ACVR2A: variants seen among roughly 807,000 people sequenced by gnomAD.
ACVR2A encodes activin A receptor type 2A.
ACVR2A carries 7 observed loss-of-function variants against 61.4 expected under a neutral mutation model. The observed-to-expected ratio is 0.11, with a 90% CI of 0.06 to 0.21. The LOEUF is 0.21. ACVR2A is among the 10% of genes least tolerant of loss of function. The probability of loss-of-function intolerance (pLI) is 1.00; values close to 1 mark genes in which losing one functional copy is unlikely to be tolerated. For missense variants in ACVR2A, 322 were observed against 621.7 expected, an observed-to-expected ratio of 0.52 and a Z score of 5.13; for synonymous variants, 193 against 208.3, an observed-to-expected ratio of 0.93 and a Z score of 0.63.
intron 1 of ACVR2A, among the ~76,000 whole-genome samples, chr2:147,855,507 G>C (rs898477270): frequency 1.3e-5 from 2 of 152,222 alleles, no homozygotes; most frequent in East Asian, 3.8e-4. Context: ...TACTGGAAGA[G>C]TGTAGGAGGG....
chr2:147,877,048 C>T (rs1376585451), intron 1 of ACVR2A, among the ~76,000 whole-genome samples: 10 of 152,028 alleles, frequency 6.6e-5, no homozygotes, highest in South Asian at 2.1e-4. Context: ...ACGTCTTGAT[C>T]GCAGGATTTT....
intron 9 of ACVR2A, among the ~76,000 whole-genome samples, chr2:147,925,180 G>C (rs1687473560): frequency 6.6e-6 from 1 of 151,914 alleles, no homozygotes; most frequent in Admixed American, 6.6e-5. Context: ...TTAGAGAGTT[G>C]GGTTCAATTC....
chr2:147,908,927 A>G (rs1239077263), intron 4 of ACVR2A, among the ~76,000 whole-genome samples: 1 of 152,168 alleles, frequency 6.6e-6, no homozygotes, highest in Admixed American at 6.6e-5. Flanking sequence ...ATACATATTT[A>G]TAGTATATAA....
intron 2 of ACVR2A, among the ~76,000 whole-genome samples, chr2:147,897,939 G>T (rs1686781615): frequency 6.6e-6 from 1 of 152,084 alleles, no homozygotes; most frequent in Non-Finnish European, 1.5e-5. Flanking sequence ...ATGAGTTTGG[G>T]AATCATCTTT....
rs1451114532 is a variant in ACVR2A at position 147,928,348 on chromosome 2, T to TATC, written c.*1076_*1078dup. 1 of 152,240 alleles carries TATC rather than the reference T, an allele frequency of 6.6e-6. No individual in the cohort carries two copies. The highest frequency in any genetic ancestry group is 1.9e-4 in the East Asian group (1 of 5,174). The allele number at this position is 152,240 out of a possible 1,614,324, so 9.4% of individuals were successfully genotyped here. On this transcript the variant is annotated 3_prime_UTR_variant, in exon 11 of 11. Coordinates refer to ENST00000241416, the MANE Select transcript of ACVR2A (RefSeq NM_001616.5). Reference sequence around the variant, plus strand: ...ACCAAACAGTGTGTGGGACATTCTTTATCACTGTTTTAGGATCACCTCAGG... The same window carrying TATC: ...ACCAAACAGTGTGTGGGACATTCTTTATCATCACTGTTTTAGGATCACCTCAGG...
intron 1 of ACVR2A, among the ~76,000 whole-genome samples, chr2:147,872,243 A>G (rs995228230): frequency 6.6e-6 from 1 of 152,056 alleles, no homozygotes; most frequent in Non-Finnish European, 1.5e-5. Context: ...GTAAAGCCCA[A>G]TTAAAAGTAA....
intron 1 of ACVR2A, among the ~76,000 whole-genome samples, chr2:147,867,699 G>T (rs1013652108): frequency 1.3e-5 from 2 of 152,112 alleles, no homozygotes; most frequent in African/African-American, 4.8e-5. Context: ...AAAATGTACA[G>T]ATCTGCTCCT....
At position 147,915,338 on chromosome 2, in the gene ACVR2A, T is replaced by C. The variant is rs1452375845; in HGVS notation, c.672+4T>C. On this transcript the variant is annotated splice_donor_region_variant and intron_variant, in intron 5 of 10. Coordinates refer to ENST00000241416, the MANE Select transcript of ACVR2A (RefSeq NM_001616.5). ...TGTCAAAATATTTCCAATACAGGTA[T>C]GTTTATTGCAGTTTTGTCATCTTAC... The C allele has an allele frequency of 3.1e-6, 5 of 1,610,990 alleles. No homozygotes were observed. The East Asian group carries it at 6.7e-5, about 22-fold the overall frequency.
At chr2:147,888,342 T>A (rs1047740355) in intron 1 of ACVR2A, among the ~76,000 whole-genome samples, 1 of 152,186 alleles carries the variant, frequency 6.6e-6, no homozygotes, top group South Asian at 2.1e-4. Context: ...TTGATATGAA[T>A]TGCATTACAC....
intron 4 of ACVR2A, among the ~76,000 whole-genome samples, chr2:147,903,805 C>T (rs920575975): frequency 1.3e-5 from 2 of 151,840 alleles, no homozygotes; most frequent in South Asian, 2.1e-4. Context: ...TTTATTCTCC[C>T]ACTAGATTGT....
chr2:147,902,653 C>G (rs549575705), intron 4 of ACVR2A, among the ~76,000 whole-genome samples: 1 of 151,894 alleles, frequency 6.6e-6, no homozygotes. Flanking sequence ...GGTTGATGAC[C>G]CTTTTTAGAA....
In ACVR2A at chr2:147,924,043, C is replaced by A. The variant is rs182624977; in HGVS notation, c.1216+932C>A. Among the ~76,000 whole-genome samples the A allele has an allele frequency of 8.7e-4, 132 of 152,104 alleles. 3 individuals carry two copies. The highest frequency in any genetic ancestry group is 2.9e-3 in the African/African-American group (120 of 41,530). ...AGAGTGTTCAGAAATGGGCATTCTT[C>A]CAGGATTGAGGGATTGGCTTGGGAG... On this transcript the variant is annotated intron_variant, in intron 9 of 10. Transcript: ENST00000241416.
intron 10 of ACVR2A, 84 bp from the exon 11 acceptor site, chr2:147,926,996 C>A (rs1573718528): frequency 1.5e-6 from 2 of 1,299,096 alleles, no homozygotes; most frequent in Non-Finnish European, 2.1e-6. Flanking sequence ...AGAAAAATAG[C>A]CATTTCTTCA....
rs751657945 is a variant in ACVR2A, at chr2:147,917,382, A to G, written c.772A>G (p.Ser258Gly). ...QFIGAEKRGT[S>G]VDVDLWLITA... ...CATTGGTGCAGAAAAACGAGGCACC[A>G]GTGTTGATGTGGATCTTTGGCTGAT... Residue 258 changes from serine (S) to glycine (G), a missense_variant, in exon 6 of 11, where the codon AGT becomes GGT. Ser to Gly is a moderately conservative substitution (Grantham distance 56). Around this residue, in one of 3 missense-constraint regions of ACVR2A, gnomAD observed 146 missense variants for 383.8 expected, o/e 0.38. Coordinates refer to ENST00000241416, the MANE Select transcript of ACVR2A (RefSeq NM_001616.5). The G allele has an allele frequency of 1.9e-6, 3 of 1,612,366 alleles. No homozygotes were observed. In the East Asian group the frequency reaches 6.7e-5, roughly 36 times the overall value.
chr2:147,903,016 A>T (rs1159948716), intron 4 of ACVR2A: 1 of 152,014 alleles, frequency 6.6e-6, no homozygotes. Context: ...GTTGTAAGAC[A>T]TTGTTCTCAT....
rs1687539473 is a variant in ACVR2A, at chr2:147,927,791, T to A, written c.*517T>A. 6.6e-6 allele frequency: 1 copy of A among 152,598 alleles called. No homozygotes were observed. The highest frequency in any genetic ancestry group is 2.4e-5 in the African/African-American group (1 of 41,418). The allele number at this position is 152,598 out of a possible 1,614,324, so 9.5% of individuals were successfully genotyped here. A position where few individuals can be genotyped will look rare whatever the true frequency, so the allele number is the denominator to read the frequency against. On this transcript the variant is annotated 3_prime_UTR_variant, in exon 11 of 11. Coordinates refer to ENST00000241416, the MANE Select transcript of ACVR2A (RefSeq NM_001616.5). ...ATGTTTAGTGTGCTGCTGTTCTGTG[T>A]ACATAAAGTCATCAAAGTGGGGTAC...
intron 2 of ACVR2A, 98 bp downstream of exon 2, chr2:147,896,606 A>C: frequency 2.6e-6 from 3 of 1,175,624 alleles, no homozygotes; most frequent in Non-Finnish European, 3.7e-6. Flanking sequence ...TTTCACTTAA[A>C]TGTTTCTTGC....
chr2:147,872,668 A>G (rs1686052114), intron 1 of ACVR2A, among the ~76,000 whole-genome samples: 1 of 150,114 alleles, frequency 6.7e-6, no homozygotes, highest in South Asian at 2.1e-4. Flanking sequence ...GAAAATTATG[A>G]TGTTTTTTTT....
intron 1 of ACVR2A, among the ~76,000 whole-genome samples, chr2:147,867,840 C>T (rs1343365500): frequency 2.0e-5 from 3 of 152,202 alleles, no homozygotes; most frequent in South Asian, 4.2e-4. Flanking sequence ...CACTGCCTCC[C>T]ACTTTAATCT....
Sources: allele counts gnomAD v4.1 joint callset (sites outside exome capture counted in the v4.1 genomes callset), GRCh38; gene constraint gnomAD v4.1.1; regional missense constraint gnomAD v4.1.1; transcripts MANE v1.5; gene names NCBI Gene and HGNC (gene_info 2026-07-23, HGNC 2026-07-21).